Variants in CSMD2 observed in about 807,000 individuals in gnomAD.
CSMD2 encodes CUB and sushi domain-containing protein 2.
A neutral mutation model predicts 398.5 loss-of-function variants in CSMD2; 130 were observed. The ratio of observed to expected loss-of-function variants is 0.33; its 90% CI spans 0.28 to 0.38. The LOEUF (loss-of-function observed/expected upper bound fraction) is 0.38. Among genes scored for constraint, CSMD2 ranks in the 10% least tolerant of loss-of-function variants. The probability of loss-of-function intolerance (pLI) is 1.00; values close to 1 mark genes in which losing one functional copy is unlikely to be tolerated. For missense variants in CSMD2, 3,829 were observed against 4,764.9 expected, an observed-to-expected ratio of 0.80 and a Z score of 5.78; for synonymous variants, 1,828 against 1,908.5, an observed-to-expected ratio of 0.96 and a Z score of 1.10.
chr1:33,940,362 A>G (rs1182089497), intron 3 of CSMD2, among the ~76,000 whole-genome samples: 1 of 152,166 alleles, frequency 6.6e-6, no homozygotes, highest in Non-Finnish European at 1.5e-5. Flanking sequence ...AGTCTTCAAC[A>G]TAGCTTTTAG....
In CSMD2 at chr1:34,108,596, A is replaced by G. The variant is rs536071351; in HGVS notation, c.188-19403T>C. Among the ~76,000 whole-genome samples, 4 of 152,344 alleles carry G rather than the reference A, an allele frequency of 2.6e-5. No homozygotes were observed. The South Asian group carries it at 8.3e-4, about 32-fold the overall frequency. On this transcript the variant is annotated intron_variant, in intron 1 of 70. Coordinates refer to ENST00000373381, the MANE Select transcript of CSMD2 (RefSeq NM_001281956.2). The stretch of plus-strand genomic sequence containing the variant: ...TGGGGATGCCTGTCCAACCTCTCCC[A>G]TAATTTCTGCACCAGAAGAAAAAGG...
At chr1:33,796,443 C>T (rs958424136) in intron 10 of CSMD2, among the ~76,000 whole-genome samples, 13 of 152,290 alleles carry the variant, frequency 8.5e-5, no homozygotes, top group Middle Eastern at 3.4e-3. Context: ...TTACTTCAAT[C>T]TCTGAATGTA....
chr1:33,586,649 T>C, intron 45 of CSMD2, 32 bp from the exon 46 acceptor site: 3 of 1,419,156 alleles, frequency 2.1e-6, no homozygotes, highest in African/African-American at 1.4e-5. Flanking sequence ...GTAGACCCTC[T>C]TAAGAAGTCC....
chr1:33,968,783 G>C (rs1645650882), intron 3 of CSMD2, among the ~76,000 whole-genome samples: 1 of 152,214 alleles, frequency 6.6e-6, no homozygotes, highest in African/African-American at 2.4e-5. Flanking sequence ...AACTGAGAAT[G>C]TACATGTGTT....
At chr1:34,120,641 T>G (rs577527895) in intron 1 of CSMD2, among the ~76,000 whole-genome samples, 1 of 152,246 alleles carries the variant, frequency 6.6e-6, no homozygotes, top group Admixed American at 6.5e-5. Context: ...GCCTCCCAGG[T>G]TCAAGCGATT....
chr1:33,741,182 ACACAGATTTCAAGT>A (rs1448603936), intron 14 of CSMD2, among the ~76,000 whole-genome samples: 2 of 152,132 alleles, frequency 1.3e-5, no homozygotes, highest in African/African-American at 2.4e-5. Flanking sequence ...TGTTACAGGG[ACACAGATTTCAAGT>A]CAACATAAGT....
At chr1:33,770,362 A>G (rs987674997) in intron 13 of CSMD2, among the ~76,000 whole-genome samples, 1 of 152,206 alleles carries the variant, frequency 6.6e-6, no homozygotes, top group Non-Finnish European at 1.5e-5. Context: ...TCTTATCACC[A>G]TACTTTCTTA....
chr1:33,788,896 C>T (rs1424237099), intron 11 of CSMD2, among the ~76,000 whole-genome samples, 184 bp from the exon 12 acceptor site: 1 of 152,192 alleles, frequency 6.6e-6, no homozygotes, highest in Non-Finnish European at 1.5e-5. Flanking sequence ...GAAGACTCAT[C>T]CTGTCTTCCC....
intron 28 of CSMD2, among the ~76,000 whole-genome samples, chr1:33,647,643 T>G (rs895700912): frequency 1.3e-5 from 2 of 152,152 alleles, no homozygotes; most frequent in African/African-American, 4.8e-5. Context: ...GATATCAGCT[T>G]GAAAAAAGCC....
chr1:33,836,101 G>T (rs1272841829), intron 6 of CSMD2, among the ~76,000 whole-genome samples: 3 of 152,242 alleles, frequency 2.0e-5, no homozygotes, highest in South Asian at 4.1e-4. Flanking sequence ...CTCAGCTGCA[G>T]GTGTGTTGGT....
At position 34,088,984 on chromosome 1, in the gene CSMD2, G is replaced by A. The variant is rs748242019; in HGVS notation, c.397C>T (p.Arg133Cys). The A allele has an allele frequency of 1.7e-5, 28 of 1,613,012 alleles. No homozygotes were observed. The highest frequency in any genetic ancestry group is 2.7e-5 in the African/African-American group (2 of 74,906). Residue 133 changes from arginine (R) to cysteine (C), a missense_variant, in exon 2 of 71, where the codon CGT becomes TGT. Coordinates refer to ENST00000373381, the MANE Select transcript of CSMD2 (RefSeq NM_001281956.2). ...FDGPPQPENL[R>C]TRLTGFQLPA... is the part of the protein sequence containing the mutation. ...AGGTGGGCAGCATGGTACCTCGTAC[G>A]CAGATTCTCTGGCTGGGGTGGACCA...
rs1642020241 is a variant in CSMD2, at chr1:33,625,034, G to A, written c.5500+17C>T. 8 of 1,613,062 alleles carry A rather than the reference G, an allele frequency of 5.0e-6. No homozygotes were observed. The highest frequency in any genetic ancestry group is 5.9e-6 in the Non-Finnish European group (7 of 1,179,374). On this transcript the variant is annotated intron_variant, in intron 34 of 70. Coordinates refer to ENST00000373381, the MANE Select transcript of CSMD2 (RefSeq NM_001281956.2). ...GCCGCCCCCCGCACCCTCAACGCCC[G>A]GGTCCTGGTTACTCACCCACACACG...
In CSMD2 at chr1:33,810,971, C is replaced by T. The variant is rs1656803648; in HGVS notation, c.1325-107G>A. The stretch of plus-strand genomic sequence containing the variant: ...ACACTGCATCTGTACAGTTCCCACC[C>T]TGGACATAACCTTCTGCTTCCTGGG... On this transcript the variant is annotated intron_variant, in intron 9 of 70. Transcript: ENST00000373381. 9.5e-6 allele frequency: 12 copies of T among 1,263,764 alleles called. No individual in the cohort carries two copies. The East Asian group carries it at 2.9e-4, about 31-fold the overall frequency. 78.3% of individuals were successfully genotyped at this position (1,263,764 alleles called of 1,614,324 possible). A position where few individuals can be genotyped will look rare whatever the true frequency, so the allele number is the denominator to read the frequency against.
intron 2 of CSMD2, among the ~76,000 whole-genome samples, chr1:34,066,960 C>A (rs1655183887): frequency 6.6e-6 from 1 of 152,124 alleles, no homozygotes; most frequent in Non-Finnish European, 1.5e-5. Context: ...TGGAAGGGGA[C>A]AGGATCGATG....
intron 6 of CSMD2, among the ~76,000 whole-genome samples, chr1:33,841,086 T>C (rs1319902583): frequency 6.6e-6 from 1 of 152,246 alleles, no homozygotes; most frequent in Non-Finnish European, 1.5e-5. Flanking sequence ...GCAGGACTTC[T>C]AGAAGGCAAA....
chr1:33,724,156 C>T (rs201354671), intron 19 of CSMD2, 41 bp downstream of exon 19: 13 of 1,457,360 alleles, frequency 8.9e-6, no homozygotes, highest in Non-Finnish European at 1.2e-5. Context: ...GGTCCCTGAC[C>T]TCGTCACATC....
chr1:33,960,946 C>T (rs1178094407), intron 3 of CSMD2, among the ~76,000 whole-genome samples: 1 of 152,248 alleles, frequency 6.6e-6, no homozygotes, highest in Non-Finnish European at 1.5e-5. Flanking sequence ...CCATCCTTTT[C>T]CTGATCCCTG....
At chr1:33,682,324 T>G (rs1481252218) in intron 25 of CSMD2, among the ~76,000 whole-genome samples, 1 of 152,200 alleles carries the variant, frequency 6.6e-6, no homozygotes, top group African/African-American at 2.4e-5. Context: ...TAATCACACC[T>G]GCAGAGACCC....
chr1:33,812,369 T>C (rs958205692), intron 9 of CSMD2, among the ~76,000 whole-genome samples: 1 of 152,248 alleles, frequency 6.6e-6, no homozygotes, highest in African/African-American at 2.4e-5. Flanking sequence ...CTTCTCACTG[T>C]AGTCCTGCAC....
Sources: allele counts gnomAD v4.1 joint callset (sites outside exome capture counted in the v4.1 genomes callset), GRCh38; gene constraint gnomAD v4.1.1; transcripts MANE v1.5; gene names NCBI Gene and HGNC (gene_info 2026-07-23, HGNC 2026-07-21).